Variants in RAD51B observed in about 807,000 individuals in gnomAD.
RAD51B encodes the protein DNA repair protein RAD51 homolog 2.
A neutral mutation model predicts 42.2 loss-of-function variants in RAD51B; 38 were observed. The observed-to-expected ratio is 0.90, with a 90% CI of 0.70 to 1.18. The LOEUF (loss-of-function observed/expected upper bound fraction) is 1.18. Ranked by LOEUF, RAD51B falls within the 50% of genes most tolerant of loss-of-function variation. The probability of loss-of-function intolerance (pLI) is 0.00; values close to 1 mark genes in which losing one functional copy is unlikely to be tolerated. For missense variants in RAD51B, 373 were observed against 400.7 expected, an observed-to-expected ratio of 0.93 and a Z score of 0.59; for synonymous variants, 154 against 145.2, an observed-to-expected ratio of 1.06 and a Z score of -0.43.
chr14:67,944,835 G>A (rs1402273519), intron 7 of RAD51B, among the ~76,000 whole-genome samples: 1 of 152,154 alleles, frequency 6.6e-6, no homozygotes, highest in Non-Finnish European at 1.5e-5. Context: ...AAGCTGACCT[G>A]GACCCTGCCC....
chr14:68,315,713 A>G (rs188423296), intron 8 of RAD51B, among the ~76,000 whole-genome samples: 1,884 of 152,178 alleles, frequency 0.012, 45 homozygotes, highest in African/African-American at 0.042. Context: ...TAGTAGAGAC[A>G]GGGTTTCACC....
chr14:68,339,131 TG>T, intron 8 of RAD51B: 1 of 703,444 alleles, frequency 1.4e-6, no homozygotes. Flanking sequence ...GAAGGACAGG[TG>T]GTCTCTTAGT....
intron 11 of RAD51B, among the ~76,000 whole-genome samples, chr14:68,674,995 C>T (rs1893274629): frequency 6.6e-6 from 1 of 152,136 alleles, no homozygotes; most frequent in Non-Finnish European, 1.5e-5. Flanking sequence ...TTTAAAGTGC[C>T]AAGTCAGATG....
At position 68,497,835 on chromosome 14, in the gene RAD51B, T is replaced by A. The variant is rs61658966; in HGVS notation, c.1036+29585T>A. 228 of 214,422 alleles carry A rather than the reference T, an allele frequency of 1.1e-3. 1 individual carries two copies. Among genetic ancestry groups the A allele is most frequent in the African/African-American group, 5.1e-3 (225 of 44,356 alleles). 13.3% of individuals were successfully genotyped at this position (214,422 alleles called of 1,614,324 possible). On this transcript the variant is annotated intron_variant, in intron 10 of 10. Transcript: ENST00000487270. The stretch of plus-strand genomic sequence containing the variant: ...AGTCTCCTCCATGGTGTAGCGTGCA[T>A]CAGTACTTCATTCTTTTTATGGCTG...
intron 10 of RAD51B, among the ~76,000 whole-genome samples, chr14:68,475,507 C>A (rs1882498975): frequency 6.6e-6 from 1 of 152,158 alleles, no homozygotes; most frequent in Non-Finnish European, 1.5e-5. Context: ...GTTCTGCCCA[C>A]CCAAAACAGA....
intron 8 of RAD51B, among the ~76,000 whole-genome samples, chr14:68,383,560 G>A (rs1023109637): frequency 1.3e-5 from 2 of 152,074 alleles, no homozygotes; most frequent in Non-Finnish European, 2.9e-5. Context: ...TTCTTTAAAC[G>A]AGGAGGTTGT....
At chr14:68,062,815 AAAAAAAAAAAAAAAAAG>A (rs926562229) in intron 7 of RAD51B, among the ~76,000 whole-genome samples, 1 of 133,096 alleles carries the variant, frequency 7.5e-6, no homozygotes, top group Non-Finnish European at 1.6e-5. Flanking sequence ...ACTCTGTGAC[AAAAAAAAAAAAAAAAAG>A]AAAAAAAAAA....
intron 7 of RAD51B, among the ~76,000 whole-genome samples, chr14:68,124,084 C>T (rs1443157636): frequency 1.3e-5 from 2 of 152,090 alleles, no homozygotes; most frequent in Non-Finnish European, 1.5e-5. Context: ...GAATGGAACT[C>T]TTTCCCCCAT....
chr14:67,897,790 C>T (rs931952957), intron 7 of RAD51B, among the ~76,000 whole-genome samples: 2 of 152,092 alleles, frequency 1.3e-5, no homozygotes, highest in African/African-American at 4.8e-5. Context: ...CCTGGGATTA[C>T]AGGCATGTGC....
intron 7 of RAD51B, among the ~76,000 whole-genome samples, chr14:68,124,586 A>G (rs4476110): frequency 6.6e-6 from 1 of 152,216 alleles, no homozygotes; most frequent in Non-Finnish European, 1.5e-5. Flanking sequence ...CATAGGCCTC[A>G]CAAGCTATTA....
At chr14:67,998,393 CTGTT>C (rs1286015532) in intron 7 of RAD51B, among the ~76,000 whole-genome samples, 2 of 152,146 alleles carry the variant, frequency 1.3e-5, no homozygotes, top group Non-Finnish European at 2.9e-5. Flanking sequence ...CAGCCAATAA[CTGTT>C]TGAGAACTGT....
intron 8 of RAD51B, among the ~76,000 whole-genome samples, chr14:68,394,731 G>A (rs1231843355): frequency 6.6e-6 from 1 of 152,226 alleles, no homozygotes; most frequent in Non-Finnish European, 1.5e-5. Flanking sequence ...GGGGAAGGAT[G>A]CTGAGGCTTT....
chr14:68,485,721 G>C (rs898117226), intron 10 of RAD51B, among the ~76,000 whole-genome samples: 15 of 152,184 alleles, frequency 9.9e-5, no homozygotes, highest in Admixed American at 7.2e-4. Context: ...GTAAAGTCCA[G>C]ATTCTTGACT....
intron 10 of RAD51B, among the ~76,000 whole-genome samples, chr14:68,544,703 A>G (rs1484513044): frequency 6.6e-6 from 1 of 152,216 alleles, no homozygotes; most frequent in African/African-American, 2.4e-5. Flanking sequence ...GTCAACAATG[A>G]TCTAGGTAAG....
Position 68,107,062 on chromosome 14 carries a change from A to G in RAD51B, c.757-184822A>G, listed in dbSNP as rs571773705. Among the ~76,000 whole-genome samples the G allele has an allele frequency of 4.6e-5, 7 of 151,986 alleles. No homozygotes were observed. In the South Asian group the frequency reaches 1.5e-3, roughly 32 times the overall value. The stretch of plus-strand genomic sequence containing the variant: ...GTACTTTGCTCTGTTCTCCTGCCTC[A>G]AGATAGATCAGTATTATTTCCCTCT... On this transcript the variant is annotated intron_variant, in intron 7 of 10. Coordinates refer to ENST00000471583, the MANE Select transcript of RAD51B (RefSeq NM_133510.4).
chr14:67,914,906 T>A (rs561581223), intron 7 of RAD51B, among the ~76,000 whole-genome samples: 1 of 152,330 alleles, frequency 6.6e-6, no homozygotes, highest in South Asian at 2.1e-4. Context: ...AGTGTTCTTT[T>A]TGTCGGGGAT....
At chr14:68,272,669 T>TATA (rs60597898) in intron 7 of RAD51B, among the ~76,000 whole-genome samples, 4 of 5,866 alleles carry the variant, frequency 6.8e-4, no homozygotes, top group African/African-American at 2.4e-3. Context: ...ATATATATTT[T>TATA]TTTTTTTTTT....
At chr14:68,561,367 G>A (rs1889138877) in intron 10 of RAD51B, among the ~76,000 whole-genome samples, 1 of 152,186 alleles carries the variant, frequency 6.6e-6, no homozygotes, top group Non-Finnish European at 1.5e-5. Context: ...TGCATTCTTA[G>A]CGCACCCCAG....
chr14:68,532,507 T>C (rs1281138857), intron 10 of RAD51B, among the ~76,000 whole-genome samples: 2 of 152,196 alleles, frequency 1.3e-5, no homozygotes, highest in Non-Finnish European at 2.9e-5. Flanking sequence ...TTTAGAAAAG[T>C]AAATTTTGAA....
Sources: gnomAD v4.1 joint callset for allele counts (sites outside exome capture counted in the v4.1 genomes callset) on GRCh38, gnomAD v4.1.1 for gene constraint, MANE v1.5 for transcripts, NCBI Gene and HGNC (gene_info 2026-07-23, HGNC 2026-07-21) for gene names.